ASB11: variants seen among roughly 807,000 people sequenced by gnomAD.
ASB11 encodes ankyrin repeat and SOCS box containing 11.
Under a neutral mutation model 20.1 loss-of-function variants are expected in ASB11, and 17 were observed. The observed-to-expected ratio is 0.85, with a 90% CI of 0.58 to 1.27. ASB11 has a LOEUF of 1.27. Ranked by LOEUF, ASB11 falls within the 50% of genes most tolerant of loss-of-function variation. The pLI is 0.00. For missense variants in ASB11, 259 were observed against 256.9 expected (o/e 1.01, Z -0.06); for synonymous variants, 107 against 105.6 (o/e 1.01, Z -0.08).
In ASB11 at chrX:15,299,245, C is replaced by T. The variant is rs189950189; in HGVS notation, c.262-1564G>A. ...CTCAGGAGATCCAGAGAACATGTGC[C>T]CAGGGTAGTCAGGGCACAGCCTAGT... On this transcript the variant is annotated intron_variant, in intron 2 of 6. Transcript: ENST00000480796. Among the ~76,000 whole-genome samples, 311 of 111,903 alleles carry T rather than the reference C, an allele frequency of 2.8e-3. 1 individual carries two copies. Among genetic ancestry groups the T allele is most frequent in the Non-Finnish European group, 3.3e-3 (177 of 53,170 alleles).
chrX:15,284,442 CCAGATATTCAGCCCT>C (rs1927316406), intron 6 of ASB11, among the ~76,000 whole-genome samples: 1 of 110,577 alleles, frequency 9.0e-6, no homozygotes, highest in Admixed American at 9.6e-5. Context: ...GTGCCAGGGG[CCAGATATTCAGCCCT>C]CAAAGTACTC....
intron 1 of ASB11, among the ~76,000 whole-genome samples, chrX:15,315,064 G>A (rs1051788320): frequency 9.0e-6 from 1 of 111,653 alleles, no homozygotes; most frequent in East Asian, 2.8e-4. Flanking sequence ...AGAGAATTTA[G>A]TCTGGTTAGA....
At chrX:15,291,726 T>TA (rs68119315) in intron 4 of ASB11, among the ~76,000 whole-genome samples, 4 of 102,814 alleles carry the variant, frequency 3.9e-5, no homozygotes, top group Admixed American at 3.2e-4. Context: ...AAAAAAAATT[T>TA]AAAAAAATTA....
intron 1 of ASB11, among the ~76,000 whole-genome samples, chrX:15,315,165 A>C (rs1226790665): frequency 5.4e-5 from 6 of 112,019 alleles, no homozygotes; most frequent in Middle Eastern, 4.2e-3. Context: ...GAAGTTTCTC[A>C]AAATACTCTT....
intron 2 of ASB11, among the ~76,000 whole-genome samples, chrX:15,300,065 T>G (rs1402355760): frequency 8.9e-6 from 1 of 112,727 alleles, no homozygotes; most frequent in East Asian, 2.8e-4. Context: ...ACTGGGCATC[T>G]AATAAGAGTT....
intron 1 of ASB11, among the ~76,000 whole-genome samples, chrX:15,303,480 C>T (rs1921139054): frequency 8.9e-6 from 1 of 111,928 alleles, no homozygotes; most frequent in Non-Finnish European, 1.9e-5. Flanking sequence ...TTTTTTTCCC[C>T]AAATTCTCTA....
At chrX:15,304,782 G>A (rs1206457485) in intron 1 of ASB11, among the ~76,000 whole-genome samples, 2 of 111,879 alleles carry the variant, frequency 1.8e-5, no homozygotes, top group African/African-American at 6.5e-5. Flanking sequence ...GGCTGAGGCA[G>A]AAGAATCGCT....
At chrX:15,299,006 T>G (rs1391777160) in intron 2 of ASB11, among the ~76,000 whole-genome samples, 2 of 111,780 alleles carry the variant, frequency 1.8e-5, no homozygotes, top group African/African-American at 6.5e-5. Flanking sequence ...CCCTTCCTTG[T>G]CCTGGACTCC....
intron 2 of ASB11, 48 bp downstream of exon 2, chrX:15,302,680 G>A (rs185379021): frequency 9.0e-7 from 1 of 1,109,924 alleles, no homozygotes; most frequent in East Asian, 3.0e-5. Flanking sequence ...AAAGAATGAT[G>A]TGTAATTATA....
chrX:15,314,419 G>A (rs1921546722), intron 1 of ASB11: 1 of 1,189,876 alleles, frequency 8.4e-7, no homozygotes, highest in Non-Finnish European at 1.1e-6. Flanking sequence ...CTCTTTCCAT[G>A]GTCCGGACCT....
Position 15,283,576 on chromosome X carries a change from G to C in ASB11, c.901C>G (p.Arg301Gly), listed in dbSNP as rs140674300. 7.4e-5 allele frequency: 89 copies of C among 1,207,515 alleles called. No individual in the cohort carries two copies. Among genetic ancestry groups the C allele is most frequent in the Middle Eastern group, 4.6e-4 (2 of 4,372 alleles). Reference sequence around the variant, plus strand: ...TTGTGGATGGCTTGATGACATGCTCGACCGAGACACTTCCGGACACACAGG... The same window carrying C: ...TTGTGGATGGCTTGATGACATGCTCCACCGAGACACTTCCGGACACACAGG... ...CRLCVRKCLG[R>G]ACHQAIHKLH... The change falls in exon 7 of 7, where the codon CGA (arginine) becomes GGA (glycine). Residue 301 changes from arginine to glycine, a missense_variant. Coordinates refer to ENST00000480796, the MANE Select transcript of ASB11 (RefSeq NM_080873.3).
chrX:15,314,772 C>G (rs910003027), intron 1 of ASB11, among the ~76,000 whole-genome samples: 3 of 110,277 alleles, frequency 2.7e-5, no homozygotes, highest in Non-Finnish European at 5.7e-5. Flanking sequence ...TTTGTAGCAT[C>G]TCACCACAAT....
intron 1 of ASB11, among the ~76,000 whole-genome samples, chrX:15,313,414 A>C (rs565670504): frequency 9.1e-6 from 1 of 109,849 alleles, no homozygotes; most frequent in South Asian, 3.9e-4. Context: ...AAACAAAAAA[A>C]CAGAAAGTCT....
chrX:15,288,296 C>G (rs1927444318), intron 5 of ASB11, among the ~76,000 whole-genome samples: 1 of 112,016 alleles, frequency 8.9e-6, no homozygotes, highest in Admixed American at 9.5e-5. Flanking sequence ...ATTTTAAATA[C>G]TTGCTTTCCC....
At chrX:15,286,663 C>CAAAAAAAAAAAAAAAAAAAAAAAAAAAAA in intron 6 of ASB11, among the ~76,000 whole-genome samples, 1 of 54,377 alleles carries the variant, frequency 1.8e-5, no homozygotes, top group African/African-American at 7.6e-5. Flanking sequence ...GACTCCATCT[C>CAAAAAAAAAAAAAAAAAAAAAAAAAAAAA]AAAAAAAAAA....
chrX:15,307,386 G>T (rs1921277808), intron 1 of ASB11, among the ~76,000 whole-genome samples: 1 of 112,335 alleles, frequency 8.9e-6, no homozygotes, highest in South Asian at 3.7e-4. Context: ...ACAGATGAGG[G>T]TGGGCAGGGG....
At chrX:15,315,403 G>C (rs767243288) in intron 1 of ASB11, 22 bp downstream of exon 1, 28 of 1,048,291 alleles carry the variant, frequency 2.7e-5, no homozygotes, top group Non-Finnish European at 5.0e-6. Flanking sequence ...TAAATATTAG[G>C]AACAAATTCA....
rs968005006 is a variant in ASB11 at position 15,283,421 on chromosome X, C to T, written c.*84G>A. 2 of 1,118,271 alleles carry T rather than the reference C, an allele frequency of 1.8e-6. No homozygotes were observed. Among genetic ancestry groups the T allele is most frequent in the African/African-American group, 3.6e-5 (2 of 55,138 alleles). 92.2% of individuals were successfully genotyped at this position (1,118,271 alleles called of 1,213,427 possible). A position where few individuals can be genotyped will look rare whatever the true frequency, so the allele number is the denominator to read the frequency against. On this transcript the variant is annotated 3_prime_UTR_variant, in exon 7 of 7. Coordinates refer to ENST00000480796, the MANE Select transcript of ASB11 (RefSeq NM_080873.3). Reference sequence around the variant, plus strand: ...CATTTAAAGATACTAGGAGTCTAAGCTGTTGAGCTTCTACATTAGGTACTC... The same window carrying T: ...CATTTAAAGATACTAGGAGTCTAAGTTGTTGAGCTTCTACATTAGGTACTC...
intron 1 of ASB11, among the ~76,000 whole-genome samples, chrX:15,314,760 C>A (rs757203355): frequency 9.1e-6 from 1 of 110,034 alleles, no homozygotes; most frequent in South Asian, 3.9e-4. Context: ...GACTCATTTA[C>A]TTTTGTAGCA....
Sources: gnomAD v4.1 joint callset for allele counts (sites outside exome capture counted in the v4.1 genomes callset) on GRCh38, gnomAD v4.1.1 for gene constraint, MANE v1.5 for transcripts, NCBI Gene and HGNC (gene_info 2026-07-23, HGNC 2026-07-21) for gene names.